The following R3HDM2 variants were observed in gnomAD, a reference collection of about 807,000 sequenced individuals.
R3HDM2 encodes the protein R3H domain-containing protein 2.
Under a neutral mutation model 124.5 loss-of-function variants are expected in R3HDM2, and 38 were observed. The ratio of observed to expected loss-of-function variants is 0.31; its 90% CI spans 0.24 to 0.40. The LOEUF (loss-of-function observed/expected upper bound fraction) is 0.40, where lower values mean the gene tolerates loss of function less well. R3HDM2 is among the 10% of genes least tolerant of loss of function. R3HDM2 has a pLI of 1.00. For synonymous variants in R3HDM2, 391 were observed against 448.0 expected (o/e 0.87, Z 1.61); for missense variants, 869 against 1,236.9 (o/e 0.70, Z 4.46).
At chr12:57,305,321 T>C (rs939180910) in intron 3 of R3HDM2, among the ~76,000 whole-genome samples, 2 of 152,232 alleles carry the variant, frequency 1.3e-5, no homozygotes, top group African/African-American at 4.8e-5. Context: ...TGTGTAGCTA[T>C]ACCATAACTT....
At chr12:57,374,711 A>T (rs1351509183) in intron 2 of R3HDM2, among the ~76,000 whole-genome samples, 2 of 144,618 alleles carry the variant, frequency 1.4e-5, no homozygotes, top group Non-Finnish European at 1.5e-5. Flanking sequence ...AAAAAAAAAA[A>T]GGCCGGGCGC....
At chr12:57,425,790 T>C (rs1346553445) in intron 1 of R3HDM2, among the ~76,000 whole-genome samples, 1 of 151,970 alleles carries the variant, frequency 6.6e-6, no homozygotes, top group Non-Finnish European at 1.5e-5. Flanking sequence ...ACAGCAAGAC[T>C]CTCTCAAAAC....
intron 2 of R3HDM2, among the ~76,000 whole-genome samples, chr12:57,329,749 A>AAAAAAG (rs150568345): frequency 0.43 from 64,510 of 150,178 alleles, 14,593 homozygotes; most frequent in South Asian, 0.52. Flanking sequence ...CCGTCTCAAA[A>AAAAAAG]AAAAAGAAAA....
intron 2 of R3HDM2, among the ~76,000 whole-genome samples, chr12:57,361,763 A>C (rs901672899): frequency 1.1e-4 from 17 of 152,226 alleles, no homozygotes; most frequent in Admixed American, 6.5e-4. Context: ...ATGACAACTA[A>C]AGCAAAAGGA....
chr12:57,268,311 G>A lies in R3HDM2; in HGVS notation c.2022C>T (p.Asn674=), dbSNP rs138191775. 40 of 1,613,654 alleles carry A rather than the reference G, an allele frequency of 2.5e-5. No individual in the cohort carries two copies. Among genetic ancestry groups the A allele is most frequent in the Admixed American group, 5.0e-5 (3 of 59,976 alleles). Residue 674 remains asparagine (N), a synonymous_variant, in exon 18 of 24, where the codon AAC becomes AAT. Coordinates refer to ENST00000402412, the MANE Select transcript of R3HDM2 (RefSeq NM_001394031.1). ...YYSMIPPAQQ[N]GTSPSVGFLQ... ...TCTCTGGGAGTCCTCACCTCGTACC[G>A]TTCTGCTGAGCAGGTGGGATCATGC... is the stretch of plus-strand genomic sequence containing the variant.
At chr12:57,298,702 C>T (rs996153270) in intron 6 of R3HDM2, among the ~76,000 whole-genome samples, 1 of 150,302 alleles carries the variant, frequency 6.7e-6, no homozygotes, top group African/African-American at 2.4e-5. Flanking sequence ...TGGCTCACAT[C>T]TGTAATCCCA....
chr12:57,268,803 C>A, intron 17 of R3HDM2, 119 bp downstream of exon 17: 1 of 1,302,276 alleles, frequency 7.7e-7, no homozygotes, highest in East Asian at 2.3e-5. Context: ...CCTAAAAATT[C>A]TAGGGGAAAG....
At chr12:57,282,035 T>C (rs1336854572) in intron 13 of R3HDM2, among the ~76,000 whole-genome samples, 1 of 151,806 alleles carries the variant, frequency 6.6e-6, no homozygotes, top group Admixed American at 6.6e-5. Context: ...GTTGGTTGGG[T>C]GTGGTGGCTC....
chr12:57,414,854 A>G (rs1157481875), intron 1 of R3HDM2, among the ~76,000 whole-genome samples: 2 of 152,066 alleles, frequency 1.3e-5, no homozygotes, highest in South Asian at 2.1e-4. Flanking sequence ...ATACAAAAGA[A>G]AAGAATGAGA....
At chr12:57,400,739 A>G (rs1343498678) in intron 1 of R3HDM2, among the ~76,000 whole-genome samples, 1 of 152,076 alleles carries the variant, frequency 6.6e-6, no homozygotes, top group African/African-American at 2.4e-5. Context: ...CAATATTAGT[A>G]ACTCTCTATA....
chr12:57,387,748 T>C (rs1390566004), intron 2 of R3HDM2, among the ~76,000 whole-genome samples: 2 of 152,196 alleles, frequency 1.3e-5, no homozygotes, highest in African/African-American at 4.8e-5. Flanking sequence ...AAAGTTCTGT[T>C]TCATACATAA....
At chr12:57,288,072 T>C (rs998382829) in intron 12 of R3HDM2, among the ~76,000 whole-genome samples, 2 of 147,710 alleles carry the variant, frequency 1.4e-5, no homozygotes, top group Middle Eastern at 3.3e-3. Context: ...CCGGATGGAG[T>C]GCAGTGGCGT....
Position 57,256,241 on chromosome 12 carries a change from C to A in R3HDM2, c.2548-167G>T, listed in dbSNP as rs112223958. On this transcript the variant is annotated intron_variant, in intron 22 of 23. Transcript: ENST00000402412. ...CGACTGAGAAACAAAGAGCCCCTCC[C>A]TCTTGGCATGGGGGTCGGGTGGGAG... 8.9e-4 allele frequency: 780 copies of A among 877,960 alleles called. 8 individuals carry two copies. The African/African-American group carries it at 8.9e-3, about 10-fold the overall frequency. The allele number at this position is 877,960 out of a possible 1,614,324, so 54.4% of individuals were successfully genotyped here. A position where few individuals can be genotyped will look rare whatever the true frequency, so the allele number is the denominator to read the frequency against.
At chr12:57,320,282 A>AAAAAAAAAAAAAAAAAAAAAAAACAAAAC (rs2056176372) in intron 2 of R3HDM2, among the ~76,000 whole-genome samples, 1 of 148,022 alleles carries the variant, frequency 6.8e-6, no homozygotes, top group Non-Finnish European at 1.5e-5. Flanking sequence ...AAAAAAAAAA[A>AAAAAAAAAAAAAAAAAAAAAAAACAAAAC]AAAAAAGCCT....
rs530090125 is a variant in R3HDM2 at position 57,342,369 on chromosome 12, A to T, written c.-35-31906T>A. On this transcript the variant is annotated intron_variant, in intron 2 of 23. Coordinates refer to ENST00000402412, the MANE Select transcript of R3HDM2 (RefSeq NM_001394031.1). ...ATCCTTGCTGCTGGAGCTCCAGCTA[A>T]CTAACTGCTCTGACAAGCAGCTCTG... is the stretch of plus-strand genomic sequence containing the variant. Among the ~76,000 whole-genome samples, 152 of 152,134 alleles carry T rather than the reference A, an allele frequency of 1.0e-3. 4 individuals carry two copies. In the South Asian group the frequency reaches 0.031, roughly 31 times the overall value.
chr12:57,282,566 G>A (rs1175480632), intron 13 of R3HDM2, among the ~76,000 whole-genome samples: 3 of 152,036 alleles, frequency 2.0e-5, no homozygotes, highest in Non-Finnish European at 1.5e-5. Flanking sequence ...AGTCTGAGGT[G>A]GGAGGATCAT....
intron 2 of R3HDM2, among the ~76,000 whole-genome samples, chr12:57,315,687 A>G (rs533590756): frequency 6.6e-6 from 1 of 152,370 alleles, no homozygotes; most frequent in African/African-American, 2.4e-5. Flanking sequence ...TTTCATCTGT[A>G]GAATATGGTC....
At position 57,295,481 on chromosome 12, in the gene R3HDM2, A is replaced by G. The variant is rs2049579004; in HGVS notation, c.728T>C (p.Ile243Thr). The G allele has an allele frequency of 1.3e-6, 2 of 1,551,460 alleles. No individual in the cohort carries two copies. The highest frequency in any genetic ancestry group is 1.7e-6 in the Non-Finnish European group (2 of 1,146,828). The change falls in exon 10 of 24, where the codon ATA becomes ACA. Residue 243 changes from isoleucine to threonine, a missense_variant. By Grantham distance (89) the Ile-to-Thr change is moderately conservative (BLOSUM62 -1). Transcript: ENST00000402412. Reference protein sequence around the residue: ...RIPEQRFSEHIKDEKNTEFQQ... With the variant: ...RIPEQRFSEHTKDEKNTEFQQ... ...AAATTCTGTATTCTTCTCATCCTTT[A>G]TATGTTCTGAGAACCTCTGTTCAGG...
At position 57,389,820 on chromosome 12, in the gene R3HDM2, G is replaced by A. The variant is rs969845056; in HGVS notation, c.-36+5929C>T. Among the ~76,000 whole-genome samples the A allele has an allele frequency of 2.6e-5, 4 of 152,156 alleles. No homozygotes were observed. The East Asian group carries it at 7.7e-4, about 29-fold the overall frequency. On this transcript the variant is annotated intron_variant, in intron 2 of 23. Transcript: ENST00000402412. The stretch of plus-strand genomic sequence containing the variant: ...TATATCCAAAAAGAACCCTGAACAA[G>A]AAAGGATATATTATCATGCACAAGC...
Sources: gnomAD v4.1 joint callset for allele counts (sites outside exome capture counted in the v4.1 genomes callset) on GRCh38, gnomAD v4.1.1 for gene constraint, MANE v1.5 for transcripts, NCBI Gene and HGNC (gene_info 2026-07-23, HGNC 2026-07-21) for gene names.